The following TFEC variants were observed in gnomAD, a reference collection of about 807,000 sequenced individuals.
TFEC encodes transcription factor EC, also known as class E basic helix-loop-helix protein 34.
A neutral mutation model predicts 41.6 loss-of-function variants in TFEC; 31 were observed. The observed-to-expected ratio is 0.74, with a 90% CI of 0.56 to 1.01. TFEC has a LOEUF of 1.01. Among genes scored for constraint, TFEC ranks in the 50% least tolerant of loss-of-function variants. TFEC has a pLI of 0.00. For missense variants in TFEC, 402 were observed against 404.1 expected (o/e 0.99, Z 0.04); for synonymous variants, 143 against 140.6 (o/e 1.02, Z -0.12).
intron 2 of TFEC, among the ~76,000 whole-genome samples, chr7:115,981,583 C>T (rs578048837): frequency 6.6e-6 from 1 of 151,914 alleles, no homozygotes; most frequent in African/African-American, 2.4e-5. Flanking sequence ...TTTCATCAAG[C>T]AATTAACAGA....
chr7:116,075,939 G>A (rs1206950652), intron 3 of TFEC, among the ~76,000 whole-genome samples: 1 of 152,152 alleles, frequency 6.6e-6, no homozygotes, highest in Non-Finnish European at 1.5e-5. Context: ...TCTTGAAAGT[G>A]CCACTTGCTG....
intron 1 of TFEC, among the ~76,000 whole-genome samples, chr7:116,151,305 C>G (rs944190200): frequency 6.9e-6 from 1 of 145,718 alleles, no homozygotes; most frequent in African/African-American, 2.6e-5. Context: ...TGCAGTTGCA[C>G]GATCTCAGCT....
At chr7:116,092,420 T>C (rs1015808752) in intron 3 of TFEC, among the ~76,000 whole-genome samples, 1 of 152,134 alleles carries the variant, frequency 6.6e-6, no homozygotes, top group African/African-American at 2.4e-5. Context: ...TCTTTGCAAA[T>C]ACATCTTTCG....
At chr7:116,127,392 G>C (rs191523378) in intron 1 of TFEC, among the ~76,000 whole-genome samples, 25 of 152,210 alleles carry the variant, frequency 1.6e-4, no homozygotes, top group Middle Eastern at 3.4e-3. Context: ...CTGGGCTTTG[G>C]TTTTTTATCC....
In TFEC at chr7:115,938,496, A is replaced by C. The variant is rs1453928087; in HGVS notation, c.*2055T>G. ...AGATGAATTTATCTATCAGGCTTTAATGACTGTACCCAGAAGTTAGTAATT... is the reference window on the plus strand; with the variant it reads ...AGATGAATTTATCTATCAGGCTTTACTGACTGTACCCAGAAGTTAGTAATT... On this transcript the variant is annotated 3_prime_UTR_variant, in exon 8 of 8. Coordinates refer to ENST00000265440, the MANE Select transcript of TFEC (RefSeq NM_012252.4). The C allele has an allele frequency of 1.8e-4, 27 of 151,930 alleles. No homozygotes were observed. The highest frequency in any genetic ancestry group is 1.5e-5 in the Non-Finnish European group (1 of 67,900). The allele number at this position is 151,930 out of a possible 1,614,324, so 9.4% of individuals were successfully genotyped here. A position where few individuals can be genotyped will look rare whatever the true frequency, so the allele number is the denominator to read the frequency against.
chr7:115,986,236 A>G (rs1453041221), intron 1 of TFEC, among the ~76,000 whole-genome samples: 10 of 152,186 alleles, frequency 6.6e-5, no homozygotes, highest in African/African-American at 1.9e-4. Context: ...AGCAACAGAT[A>G]CTAGGCACTA....
At chr7:116,052,979 G>A (rs980690494) in intron 3 of TFEC, among the ~76,000 whole-genome samples, 30 of 152,104 alleles carry the variant, frequency 2.0e-4, no homozygotes, top group African/African-American at 7.0e-4. Flanking sequence ...GGCTGAGGCA[G>A]GAGAACGGCA....
At chr7:116,085,740 T>C (rs1055856265) in intron 3 of TFEC, among the ~76,000 whole-genome samples, 1 of 151,960 alleles carries the variant, frequency 6.6e-6, no homozygotes, top group Non-Finnish European at 1.5e-5. Flanking sequence ...GAGCAATCAG[T>C]CAGCTAAAGT....
intron 3 of TFEC, among the ~76,000 whole-genome samples, chr7:115,960,100 A>G (rs1792457167): frequency 6.6e-6 from 1 of 151,434 alleles, no homozygotes; most frequent in Non-Finnish European, 1.5e-5. Context: ...GATATATTAT[A>G]CTAAAATGAA....
chr7:116,099,769 C>T (rs1797562349), intron 3 of TFEC, among the ~76,000 whole-genome samples: 2 of 152,278 alleles, frequency 1.3e-5, no homozygotes, highest in South Asian at 4.1e-4. Flanking sequence ...TTTTAGGTCA[C>T]TGATTTTCAT....
chr7:116,011,424 T>A (rs1213704889), intron 1 of TFEC, among the ~76,000 whole-genome samples: 2 of 152,160 alleles, frequency 1.3e-5, no homozygotes, highest in South Asian at 2.1e-4. Flanking sequence ...GACTTCCCTG[T>A]ATATAAAATT....
At chr7:115,998,268 G>A (rs1479679788) in intron 1 of TFEC, among the ~76,000 whole-genome samples, 1 of 151,904 alleles carries the variant, frequency 6.6e-6, no homozygotes, top group African/African-American at 2.4e-5. Context: ...TAAACAATAG[G>A]TTATAAGATG....
intron 1 of TFEC, among the ~76,000 whole-genome samples, chr7:116,114,270 A>G (rs1487620591): frequency 6.6e-6 from 1 of 152,010 alleles, no homozygotes; most frequent in Admixed American, 6.6e-5. Flanking sequence ...ATTTAAATGG[A>G]TATCAGGTAG....
chr7:115,968,658 G>T (rs1049822301), intron 3 of TFEC, among the ~76,000 whole-genome samples: 1 of 151,904 alleles, frequency 6.6e-6, no homozygotes, highest in African/African-American at 2.4e-5. Flanking sequence ...CAATCATTCA[G>T]CTGGAGTGTG....
intron 1 of TFEC, among the ~76,000 whole-genome samples, chr7:116,118,193 C>T (rs545557154): frequency 2.2e-4 from 33 of 151,918 alleles, no homozygotes; most frequent in African/African-American, 7.9e-4. Flanking sequence ...ACATTTCACT[C>T]AACCTGTCTC....
chr7:115,995,770 T>C (rs1487394077), intron 1 of TFEC, among the ~76,000 whole-genome samples: 1 of 152,104 alleles, frequency 6.6e-6, no homozygotes, highest in Non-Finnish European at 1.5e-5. Flanking sequence ...TCTGTGCTCT[T>C]GGGGGAGAAA....
At chr7:116,032,660 A>AAC (rs376533957), upstream of TFEC, among the ~76,000 whole-genome samples, 1 of 152,206 alleles carries the variant, frequency 6.6e-6, no homozygotes, top group African/African-American at 2.4e-5. Context: ...AGAGGGGAAC[A>AAC]ACACACACTG....
chr7:116,044,359 C>T (rs1341234940), intron 3 of TFEC, among the ~76,000 whole-genome samples: 1 of 152,032 alleles, frequency 6.6e-6, no homozygotes, highest in Non-Finnish European at 1.5e-5. Flanking sequence ...TGGGCACGTG[C>T]TCTTACTACT....
At chr7:115,967,627 G>A (rs1792919996) in intron 3 of TFEC, among the ~76,000 whole-genome samples, 1 of 151,706 alleles carries the variant, frequency 6.6e-6, no homozygotes, top group African/African-American at 2.4e-5. Context: ...AAATCCCACT[G>A]TGTTATTGCT....
Sources: allele counts gnomAD v4.1 joint callset (sites outside exome capture counted in the v4.1 genomes callset), GRCh38; gene constraint gnomAD v4.1.1; transcripts MANE v1.5; gene names NCBI Gene and HGNC (gene_info 2026-07-23, HGNC 2026-07-21).